The following CEP128 variants were observed in gnomAD, a reference collection of about 807,000 sequenced individuals.
CEP128 encodes centrosomal protein 128.
Under a neutral mutation model 156.7 loss-of-function variants are expected in CEP128, and 132 were observed. That is an observed-to-expected ratio of 0.84 (90% CI 0.73 to 0.97). CEP128 has a LOEUF of 0.97. CEP128 is among the 50% of genes least tolerant of loss of function. CEP128 has a pLI of 0.00. For synonymous variants in CEP128, 469 were observed against 448.9 expected (o/e 1.04, Z -0.57); for missense variants, 1,252 against 1,281.9 (o/e 0.98, Z 0.36).
intron 21 of CEP128, among the ~76,000 whole-genome samples, chr14:80,531,829 C>T (rs929225234): frequency 6.6e-6 from 1 of 152,118 alleles, no homozygotes; most frequent in Admixed American, 6.6e-5. Context: ...CCCTACTTCT[C>T]CCCTGTGAAA....
At chr14:80,695,490 C>A (rs774209002) in intron 19 of CEP128, among the ~76,000 whole-genome samples, 1 of 151,424 alleles carries the variant, frequency 6.6e-6, no homozygotes, top group African/African-American at 2.4e-5. Context: ...CCAAGGCAGG[C>A]GGATCACTTG....
At chr14:80,720,852 T>G (rs1384425898) in intron 19 of CEP128, among the ~76,000 whole-genome samples, 3 of 152,150 alleles carry the variant, frequency 2.0e-5, no homozygotes, top group African/African-American at 7.2e-5. Context: ...AAACCAAAAA[T>G]CTGAACTACG....
chr14:80,678,791 A>G (rs1056180369), intron 19 of CEP128, among the ~76,000 whole-genome samples: 2 of 152,172 alleles, frequency 1.3e-5, no homozygotes, highest in Admixed American at 6.5e-5. Context: ...ATTTTCCAAG[A>G]CTCAGGACCA....
At chr14:80,808,185 G>A (rs951087728) in intron 13 of CEP128, among the ~76,000 whole-genome samples, 2 of 152,160 alleles carry the variant, frequency 1.3e-5, no homozygotes, top group Non-Finnish European at 2.9e-5. Flanking sequence ...ATAGAAAAGT[G>A]AGACACCTTT....
At chr14:80,534,271 A>C (rs150253822) in intron 21 of CEP128, among the ~76,000 whole-genome samples, 140 of 152,174 alleles carry the variant, frequency 9.2e-4, no homozygotes, top group African/African-American at 3.3e-3. Flanking sequence ...TGTGATTAGA[A>C]TCTTGTCACA....
intron 19 of CEP128, among the ~76,000 whole-genome samples, chr14:80,686,683 T>C (rs1220712621): frequency 6.6e-6 from 1 of 152,080 alleles, no homozygotes; most frequent in Non-Finnish European, 1.5e-5. Context: ...AAGAGACCCA[T>C]CTCATATGCA....
chr14:80,836,099 G>T, intron 12 of CEP128, 106 bp downstream of exon 12: 2 of 981,824 alleles, frequency 2.0e-6, no homozygotes, highest in South Asian at 1.5e-5. Context: ...AGTATGACGT[G>T]AGCATCACAA....
chr14:80,881,164 T>G (rs1214339348), intron 8 of CEP128, among the ~76,000 whole-genome samples: 3 of 151,598 alleles, frequency 2.0e-5, no homozygotes, highest in Admixed American at 1.3e-4. Context: ...TAAATAAAAT[T>G]GACAAACCTT....
intron 15 of CEP128, among the ~76,000 whole-genome samples, chr14:80,781,482 A>G: frequency 6.7e-6 from 1 of 148,746 alleles, no homozygotes; most frequent in East Asian, 2.0e-4. Context: ...AAAAGTAATG[A>G]ATGTACATGA....
chr14:80,602,823 T>C (rs1892634438), intron 19 of CEP128, among the ~76,000 whole-genome samples: 1 of 152,000 alleles, frequency 6.6e-6, no homozygotes, highest in African/African-American at 2.4e-5. Flanking sequence ...TTATACAAAG[T>C]ATGTCCTCAA....
At chr14:80,776,170 C>A (rs1900779914) in intron 16 of CEP128, among the ~76,000 whole-genome samples, 1 of 152,136 alleles carries the variant, frequency 6.6e-6, no homozygotes, top group South Asian at 2.1e-4. Flanking sequence ...ACCACTATTT[C>A]TTAAATGCAG....
At chr14:80,696,550 T>C (rs1423635271) in intron 19 of CEP128, among the ~76,000 whole-genome samples, 1 of 152,110 alleles carries the variant, frequency 6.6e-6, no homozygotes, top group Non-Finnish European at 1.5e-5. Flanking sequence ...AGAAATGCAC[T>C]TAGTAAGTAG....
At chr14:80,737,212 C>T (rs963909671) in intron 19 of CEP128, among the ~76,000 whole-genome samples, 4 of 151,962 alleles carry the variant, frequency 2.6e-5, no homozygotes, top group East Asian at 1.9e-4. Flanking sequence ...AAGACCAGCC[C>T]GGCCAGTATG....
chr14:80,777,882 C>T lies in CEP128; in HGVS notation c.2376G>A (p.Arg792=). 2.5e-6 allele frequency: 4 copies of T among 1,583,838 alleles called. No individual in the cohort carries two copies. Among genetic ancestry groups the T allele is most frequent in the Non-Finnish European group, 2.6e-6 (3 of 1,159,248 alleles). ...AATTAGAATTCACTCATATTTTTAC[C>T]CTTTCTTCTAGTTGATCCTTCAAAC... The part of the protein sequence containing the change: ...YQCLKDQLEE[R]EKHISIEEEH... Residue 792 remains arginine, a splice_region_variant and synonymous_variant, in exon 16 of 25, where the codon AGG becomes AGA. Transcript: ENST00000555265.
chr14:80,672,546 T>A (rs974728128), intron 19 of CEP128, among the ~76,000 whole-genome samples: 1 of 152,196 alleles, frequency 6.6e-6, no homozygotes, highest in Non-Finnish European at 1.5e-5. Flanking sequence ...ACGGAAGCCA[T>A]AATAATTTTG....
At chr14:80,912,988 G>A (rs1884336313) in intron 4 of CEP128, among the ~76,000 whole-genome samples, 1 of 152,106 alleles carries the variant, frequency 6.6e-6, no homozygotes, top group Non-Finnish European at 1.5e-5. Flanking sequence ...TACAGGACAG[G>A]AGTAAGCAAT....
intron 19 of CEP128, among the ~76,000 whole-genome samples, chr14:80,616,392 CA>C (rs1893212836): frequency 2.6e-5 from 4 of 152,158 alleles, no homozygotes; most frequent in Non-Finnish European, 5.9e-5. Context: ...TTATTTTCCC[CA>C]TTTTACAGGG....
chr14:80,840,747 TAG>T lies in CEP128; in HGVS notation c.782_783del (p.Ala261GlufsTer4). The T allele has an allele frequency of 6.2e-7, 1 of 1,610,402 alleles. No individual in the cohort carries two copies. ...QLQEALKKQE[A>X]KADEHEGAIK... ...ATTGCCCCCTCATGCTCATCTGCTT[TAG>T]CTTCTTGTTTCTTTAGTGCCTGGAA... On this transcript the variant is annotated frameshift_variant, in exon 10 of 25. Transcript: ENST00000555265. LOFTEE classifies it high-confidence loss of function.
At chr14:80,898,159 C>G (rs1171643821) in intron 7 of CEP128, among the ~76,000 whole-genome samples, 1 of 152,146 alleles carries the variant, frequency 6.6e-6, no homozygotes, top group East Asian at 1.9e-4. Context: ...AAGTTTGCTT[C>G]CCAGTGTACT....
Sources: allele counts gnomAD v4.1 joint callset (sites outside exome capture counted in the v4.1 genomes callset), GRCh38; gene constraint gnomAD v4.1.1; transcripts MANE v1.5; gene names NCBI Gene and HGNC (gene_info 2026-07-23, HGNC 2026-07-21).